The following SLC38A10 variants were observed in gnomAD, a reference collection of about 807,000 sequenced individuals.
The protein encoded by SLC38A10 is Sodium-coupled neutral amino acid transporter 10.
Under a neutral mutation model 81.0 loss-of-function variants are expected in SLC38A10, and 53 were observed. The ratio of observed to expected loss-of-function variants is 0.65; its 90% CI spans 0.53 to 0.82. SLC38A10 has a LOEUF of 0.82. Ranked by LOEUF, SLC38A10 falls within the 40% of genes least tolerant of loss-of-function variation. SLC38A10 has a pLI of 0.00. For synonymous variants in SLC38A10, 665 were observed against 655.3 expected (o/e 1.01, Z -0.23); for missense variants, 1,471 against 1,545.0 (o/e 0.95, Z 0.80).
At chr17:81,269,358 C>G (rs367995640) in intron 10 of SLC38A10, among the ~76,000 whole-genome samples, 6 of 152,000 alleles carry the variant, frequency 3.9e-5, no homozygotes, top group African/African-American at 1.5e-4. Context: ...ACTAAAAGTA[C>G]AAAAATTAGC....
chr17:81,285,909 C>T (rs1478172513), intron 2 of SLC38A10, among the ~76,000 whole-genome samples: 1 of 152,196 alleles, frequency 6.6e-6, no homozygotes, highest in South Asian at 2.1e-4. Flanking sequence ...CGCCAGAGCC[C>T]GGGAGCAGCA....
chr17:81,246,680 A>G lies in SLC38A10; in HGVS notation c.2243-7T>C. 1 of 1,502,292 alleles carries G rather than the reference A, an allele frequency of 6.7e-7. No homozygotes were observed. Among genetic ancestry groups the G allele is most frequent in the African/African-American group, 1.4e-5 (1 of 71,454 alleles). The allele number at this position is 1,502,292 out of a possible 1,614,324, so 93.1% of individuals were successfully genotyped here. On this transcript the variant is annotated splice_polypyrimidine_tract_variant and splice_region_variant and intron_variant, in intron 15 of 15. Coordinates refer to ENST00000374759, the MANE Select transcript of SLC38A10 (RefSeq NM_001037984.3). Reference sequence around the variant, plus strand: ...GGCTCTTGATGCACCTCCACTGCAAATGAAGTCGGTCATCAATTTAGCCAC... The same window carrying G: ...GGCTCTTGATGCACCTCCACTGCAAGTGAAGTCGGTCATCAATTTAGCCAC...
At chr17:81,263,847 G>C in intron 10 of SLC38A10, 1 of 152,556 alleles carries the variant, frequency 6.6e-6, no homozygotes, top group Admixed American at 6.5e-5. Flanking sequence ...CCAGGAGTGT[G>C]TGTGAGCACC....
chr17:81,261,224 C>G (rs2146907314), intron 10 of SLC38A10, among the ~76,000 whole-genome samples: 1 of 152,292 alleles, frequency 6.6e-6, no homozygotes, highest in South Asian at 2.1e-4. Context: ...CTCCTGCCAC[C>G]CCGGCTCCCG....
intron 3 of SLC38A10, 46 bp downstream of exon 3, chr17:81,284,803 CT>C: frequency 6.1e-6 from 8 of 1,315,168 alleles, no homozygotes; most frequent in Non-Finnish European, 8.0e-6. Context: ...TCCCCAGTGT[CT>C]GGGTGCGGGG....
chr17:81,260,414 A>AT lies in SLC38A10; in HGVS notation c.1132-21_1132-20insA. On this transcript the variant is annotated intron_variant, in intron 10 of 15. Coordinates refer to ENST00000374759, the MANE Select transcript of SLC38A10 (RefSeq NM_001037984.3). ...CACCACCTGAGGAGACAAAGACCCC[A>AT]GGGGCGGGAGTCACAGCTGGCCCCC... The AT allele has an allele frequency of 6.2e-7, 1 of 1,600,994 alleles. No homozygotes were observed.
rs569750360 is a variant in SLC38A10 at position 81,265,925 on chromosome 17, C to T, written c.1131+4993G>A. Among the ~76,000 whole-genome samples the T allele has an allele frequency of 1.3e-5, 2 of 152,368 alleles. No homozygotes were observed. The highest frequency in any genetic ancestry group is 3.9e-4 in the East Asian group (2 of 5,188). On this transcript the variant is annotated intron_variant, in intron 10 of 15. Coordinates refer to ENST00000374759, the MANE Select transcript of SLC38A10 (RefSeq NM_001037984.3). The surrounding 1 kb of genome is among the most constrained non-coding windows in gnomAD (Gnocchi z 4.2). Reference sequence around the variant, plus strand: ...CCTCTCCGTCTCCTCCACGCACAGCCAAACTGCGGTGAATGTGATTCAGTG... The same window carrying T: ...CCTCTCCGTCTCCTCCACGCACAGCTAAACTGCGGTGAATGTGATTCAGTG...
At position 81,265,543 on chromosome 17, in the gene SLC38A10, A is replaced by G. The variant is rs1317772792; in HGVS notation, c.1132-5149T>C. 6.6e-6 allele frequency: 1 copy of G among 152,176 alleles called. No homozygotes were observed. Among genetic ancestry groups the G allele is most frequent in the Non-Finnish European group, 1.5e-5 (1 of 68,062 alleles). The allele number at this position is 152,176 out of a possible 1,614,324, so 9.4% of individuals were successfully genotyped here. A position where few individuals can be genotyped will look rare whatever the true frequency, so the allele number is the denominator to read the frequency against. On this transcript the variant is annotated intron_variant, in intron 10 of 15. Transcript: ENST00000374759. This position sits in a 1 kb window ranked among gnomAD's most constrained non-coding sequence, Gnocchi z 4.2. ...CCAGCACAGCCTTGATTCACCTACT[A>G]CACAGGTGTCCCCACTTCCCTGTCC...
At chr17:81,261,233 CGCCACCCCGGCTCCT>C (rs1365788836) in intron 10 of SLC38A10, among the ~76,000 whole-genome samples, 10 of 152,076 alleles carry the variant, frequency 6.6e-5, no homozygotes, top group Admixed American at 4.6e-4. Context: ...CCCCGGCTCC[CGCCACCCCGGCTCCT>C]GCCACCCCTG....
chr17:81,293,951 T>C (rs533830764), intron 1 of SLC38A10, among the ~76,000 whole-genome samples: 1 of 152,342 alleles, frequency 6.6e-6, no homozygotes, highest in African/African-American at 2.4e-5. Context: ...GACGCTAAAC[T>C]TTTTGTATTT....
In SLC38A10 at chr17:81,245,831, C is replaced by A. The variant is rs545820615; in HGVS notation, c.3085G>T (p.Gly1029Cys). The stretch of plus-strand genomic sequence containing the variant: ...GGCTTGGCATTGTCCGGCCTCTGGC[C>A]CCCCGGGACAGCTCGTTTGAGCCCC... ...ELGLKRAVPGGQRPDNAKPNR... is the reference protein window; with the variant it reads ...ELGLKRAVPGCQRPDNAKPNR... The change falls in exon 16 of 16, where the codon GGC becomes TGC. Residue 1029 changes from glycine to cysteine, a missense_variant. Transcript: ENST00000374759. 181 of 1,610,928 alleles carry A rather than the reference C, an allele frequency of 1.1e-4. No homozygotes were observed. Among genetic ancestry groups the A allele is most frequent in the Middle Eastern group, 1.7e-4 (1 of 6,038 alleles).
intron 14 of SLC38A10, chr17:81,251,174 G>A (rs781365446): frequency 5.7e-5 from 87 of 1,526,700 alleles, no homozygotes; most frequent in East Asian, 9.1e-5. Flanking sequence ...CTTTAAAGAC[G>A]AAATGGTAAT....
At chr17:81,269,342 G>A (rs2063095130) in intron 10 of SLC38A10, among the ~76,000 whole-genome samples, 1 of 151,976 alleles carries the variant, frequency 6.6e-6, no homozygotes, top group African/African-American at 2.4e-5. Context: ...GTAAAACCCT[G>A]TCTCTACTAA....
intron 14 of SLC38A10, chr17:81,247,687 A>T (rs953224718): frequency 6.6e-6 from 1 of 151,230 alleles, no homozygotes; most frequent in Non-Finnish European, 1.5e-5. Context: ...ACAAAAAAAT[A>T]AAAATGATCA....
chr17:81,284,445 A>C (rs1295935904), intron 3 of SLC38A10, among the ~76,000 whole-genome samples: 1 of 152,244 alleles, frequency 6.6e-6, no homozygotes, highest in Non-Finnish European at 1.5e-5. Context: ...TGAGTTTACA[A>C]TTCCCTAATT....
In SLC38A10 at chr17:81,293,918, C is replaced by T. The variant is rs191550952; in HGVS notation, c.99+905G>A. Among the ~76,000 whole-genome samples, 928 of 152,210 alleles carry T rather than the reference C, an allele frequency of 6.1e-3. 14 individuals carry two copies. The highest frequency in any genetic ancestry group is 0.021 in the African/African-American group (873 of 41,532). ...ACACTTAGAAATGGCCATTTTCTTTCATGTGTTATTCAATGCTGGAATGAC... is the reference window on the plus strand; with the variant it reads ...ACACTTAGAAATGGCCATTTTCTTTTATGTGTTATTCAATGCTGGAATGAC... On this transcript the variant is annotated intron_variant, in intron 1 of 15. Transcript: ENST00000374759.
In SLC38A10 at chr17:81,289,667, C is replaced by T. The variant is rs769618146; in HGVS notation, c.217+24G>A. ...AAGGCCCCCGCCCCAGGTCCAGAGC[C>T]ACCTTGTGGAGAGGGCGCCTCACCC... On this transcript the variant is annotated intron_variant, in intron 2 of 15. Coordinates refer to ENST00000374759, the MANE Select transcript of SLC38A10 (RefSeq NM_001037984.3). This position sits in a 1 kb window ranked among gnomAD's most constrained non-coding sequence, Gnocchi z 5.9. 1 of 1,567,150 alleles carries T rather than the reference C, an allele frequency of 6.4e-7. No homozygotes were observed. Among genetic ancestry groups the T allele is most frequent in the East Asian group, 2.3e-5 (1 of 43,458 alleles).
At chr17:81,266,492 A>G (rs1228653681) in intron 10 of SLC38A10, among the ~76,000 whole-genome samples, 1 of 152,018 alleles carries the variant, frequency 6.6e-6, no homozygotes, top group Non-Finnish European at 1.5e-5. Flanking sequence ...GGTTGCAGGC[A>G]CCTGTAGTCC....
chr17:81,251,590 C>T lies in SLC38A10; in HGVS notation c.1968G>A (p.Ala656=), dbSNP rs767597459. 19 of 1,492,300 alleles carry T rather than the reference C, an allele frequency of 1.3e-5. No individual in the cohort carries two copies. The highest frequency in any genetic ancestry group is 8.4e-5 in the African/African-American group (6 of 71,346). 92.4% of individuals were successfully genotyped at this position (1,492,300 alleles called of 1,614,324 possible). Residue 656 remains alanine, a synonymous_variant, in exon 14 of 16, where the codon GCG becomes GCA. Coordinates refer to ENST00000374759, the MANE Select transcript of SLC38A10 (RefSeq NM_001037984.3). ...GCCCAGGCCCTGGAGCCGGCTTCTC[C>T]GCTGGGAGGGGAGGCTTCCCACCTG... ...SDHGGKPPLP[A]EKPAPGPGLP...
Sources: gnomAD v4.1 joint callset for allele counts (sites outside exome capture counted in the v4.1 genomes callset) on GRCh38, gnomAD v4.1.1 for gene constraint, Gnocchi (gnomAD v3.1) non-coding constraint, MANE v1.5 for transcripts, NCBI Gene and HGNC (gene_info 2026-07-23, HGNC 2026-07-21) for gene names.